LARP1: variants seen among roughly 807,000 people sequenced by gnomAD.
The protein encoded by LARP1 is la-related protein 1.
In LARP1, 36 loss-of-function variants were observed where a neutral mutation model predicts 122.7. The observed-to-expected ratio is 0.29, with a 90% CI of 0.22 to 0.39. LARP1 has a LOEUF of 0.39. LARP1 is among the 10% of genes least tolerant of loss of function. The probability of loss-of-function intolerance (pLI) is 1.00; values close to 1 mark genes in which losing one functional copy is unlikely to be tolerated. For synonymous variants in LARP1, 539 were observed against 528.7 expected, an observed-to-expected ratio of 1.02 and a Z score of -0.27; for missense variants, 1,040 against 1,403.6, an observed-to-expected ratio of 0.74 and a Z score of 4.14.
At chr5:154,777,038 G>A (rs774790752) in intron 1 of LARP1, among the ~76,000 whole-genome samples, 11 of 152,156 alleles carry the variant, frequency 7.2e-5, no homozygotes, top group Admixed American at 6.6e-4. Flanking sequence ...TTTTGTCATC[G>A]TATGAACCTA....
chr5:154,707,004 T>G (rs1014980746), intron 1 of LARP1, among the ~76,000 whole-genome samples: 8 of 152,366 alleles, frequency 5.3e-5, no homozygotes, highest in African/African-American at 1.7e-4. Flanking sequence ...TCATTTTGGT[T>G]GTTTTCAGTT....
At chr5:154,687,486 A>G (rs1753990382) in intron 1 of LARP1, among the ~76,000 whole-genome samples, 1 of 152,198 alleles carries the variant, frequency 6.6e-6, no homozygotes, top group Admixed American at 6.5e-5. Context: ...GGTTCACACC[A>G]TTCTCCTGCC....
At chr5:154,808,187 C>T (rs1582481998) in intron 15 of LARP1, among the ~76,000 whole-genome samples, 1 of 152,144 alleles carries the variant, frequency 6.6e-6, no homozygotes, top group African/African-American at 2.4e-5. Flanking sequence ...AAAGTAGTAC[C>T]AGTTGAGGTG....
intron 3 of LARP1, among the ~76,000 whole-genome samples, chr5:154,791,131 G>GTTT (rs1370042546): frequency 7.5e-6 from 1 of 134,192 alleles, no homozygotes; most frequent in African/African-American, 2.9e-5. Flanking sequence ...AGTGTTTTTT[G>GTTT]TTGTTTTTTT....
intron 1 of LARP1, among the ~76,000 whole-genome samples, chr5:154,728,347 C>T (rs1045714209): frequency 6.6e-6 from 1 of 152,206 alleles, no homozygotes; most frequent in African/African-American, 2.4e-5. Flanking sequence ...CTTTGCCACT[C>T]TTTCAATCAA....
Position 154,731,023 on chromosome 5 carries a change from C to T in LARP1, c.205+17893C>T, listed in dbSNP as rs527944058. Among the ~76,000 whole-genome samples, 28 of 152,142 alleles carry T rather than the reference C, an allele frequency of 1.8e-4. 1 individual carries two copies. In the South Asian group the frequency reaches 5.8e-3, roughly 32 times the overall value. ...TATTTTTAGTGGAGACGGGGTTTCACCATGTTGGCCAGGCTGGTCTTCAAC... is the reference window on the plus strand; with the variant it reads ...TATTTTTAGTGGAGACGGGGTTTCATCATGTTGGCCAGGCTGGTCTTCAAC... On this transcript the variant is annotated intron_variant, in intron 1 of 18. Transcript: ENST00000336314.
chr5:154,797,995 C>A lies in LARP1; in HGVS notation c.1378-1596C>A, dbSNP rs538893440. On this transcript the variant is annotated intron_variant, in intron 8 of 18. Coordinates refer to ENST00000518297, the MANE Select transcript of LARP1 (RefSeq NM_033551.3). ...CATTGTGCCAAGCTCTACATTCTTA[C>A]AATACCTCCACTACCACTGAAAACA... is the stretch of plus-strand genomic sequence containing the variant. 1.1e-4 allele frequency among the ~76,000 whole-genome samples: 17 copies of A among 152,304 alleles called. No individual in the cohort carries two copies. The South Asian group carries it at 2.5e-3, about 22-fold the overall frequency.
Position 154,791,215 on chromosome 5 carries a change from A to C in LARP1, c.564+505A>C, listed in dbSNP as rs184573730. Among the ~76,000 whole-genome samples the C allele has an allele frequency of 6.3e-5, 9 of 141,900 alleles. No individual in the cohort carries two copies. In the Admixed American group the frequency reaches 6.4e-4, roughly 10 times the overall value. The allele number at this position is 141,900 out of a possible 152,430, so 93.1% of individuals were successfully genotyped here. A position where few individuals can be genotyped will look rare whatever the true frequency, so the allele number is the denominator to read the frequency against. The stretch of plus-strand genomic sequence containing the variant: ...AATGGTGTGATCTCGGCTCACTGCA[A>C]CCTCCGCCTCCCAGGTTCAAGCAAT... On this transcript the variant is annotated intron_variant, in intron 3 of 18. Transcript: ENST00000518297.
In LARP1 at chr5:154,808,441, T is replaced by C. The variant is rs1216627191; in HGVS notation, c.2699-18T>C. 4 of 1,608,876 alleles carry C rather than the reference T, an allele frequency of 2.5e-6. No homozygotes were observed. Among genetic ancestry groups the C allele is most frequent in the Non-Finnish European group, 3.4e-6 (4 of 1,178,024 alleles). ...GCCTGAACCTGAGACATGCCTTTCC[T>C]CCTTTCTTTCCCATCAGAGCGGAAA... On this transcript the variant is annotated intron_variant, in intron 15 of 18. Coordinates refer to ENST00000518297, the MANE Select transcript of LARP1 (RefSeq NM_033551.3).
chr5:154,754,437 T>TA (rs1162947223), upstream of LARP1, among the ~76,000 whole-genome samples: 1 of 152,094 alleles, frequency 6.6e-6, no homozygotes, highest in Non-Finnish European at 1.5e-5. Flanking sequence ...GCAGAGATGG[T>TA]AAGGGGGCAG....
At chr5:154,790,594 T>A (rs1757260791) in intron 2 of LARP1, 51 bp from the exon 3 acceptor site, 1 of 1,595,544 alleles carries the variant, frequency 6.3e-7, no homozygotes, top group African/African-American at 1.3e-5. Flanking sequence ...GGGGGCTGAA[T>A]AGCAAAGACA....
chr5:154,812,511 C>T (rs1287111764), intron 18 of LARP1, among the ~76,000 whole-genome samples: 1 of 75,128 alleles, frequency 1.3e-5, no homozygotes, highest in African/African-American at 5.3e-5. Flanking sequence ...AAAAGCCCCC[C>T]CCCCCCACCC....
intron 1 of LARP1, chr5:154,757,183 C>T (rs1754023519): frequency 1.3e-5 from 2 of 151,376 alleles, no homozygotes; most frequent in African/African-American, 2.4e-5. Flanking sequence ...AACGTGGTGC[C>T]TCCCCGCGCG....
At chr5:154,761,147 T>A (rs974239373) in intron 1 of LARP1, among the ~76,000 whole-genome samples, 5 of 152,192 alleles carry the variant, frequency 3.3e-5, no homozygotes, top group Non-Finnish European at 7.4e-5. Context: ...AGGACACCCT[T>A]TGAAGGGGAG....
chr5:154,732,290 A>G (rs1453687888), intron 1 of LARP1, among the ~76,000 whole-genome samples: 1 of 152,184 alleles, frequency 6.6e-6, no homozygotes, highest in African/African-American at 2.4e-5. Flanking sequence ...TTAAGGAAAA[A>G]GCAAAAATTT....
chr5:154,765,019 C>T (rs967228930), intron 1 of LARP1, among the ~76,000 whole-genome samples: 3 of 152,096 alleles, frequency 2.0e-5, no homozygotes, highest in Non-Finnish European at 4.4e-5. Context: ...TAGATTTTTG[C>T]AGCAGCCTCT....
At chr5:154,704,261 G>T (rs909235327) in intron 1 of LARP1, among the ~76,000 whole-genome samples, 2 of 152,192 alleles carry the variant, frequency 1.3e-5, no homozygotes, top group African/African-American at 4.8e-5. Context: ...TCCTAAGTCC[G>T]TTGACTGTGA....
chr5:154,760,840 G>A (rs573714379), intron 1 of LARP1, among the ~76,000 whole-genome samples: 3 of 152,338 alleles, frequency 2.0e-5, no homozygotes, highest in East Asian at 3.9e-4. Context: ...GTCGTGCATT[G>A]TTGTGGATCT....
At position 154,802,693 on chromosome 5, in the gene LARP1, G is replaced by A. The variant is rs1758446670; in HGVS notation, c.2109+294G>A. 6.6e-6 allele frequency among the ~76,000 whole-genome samples: 1 copy of A among 152,144 alleles called. No individual in the cohort carries two copies. Among genetic ancestry groups the A allele is most frequent in the Non-Finnish European group, 1.5e-5 (1 of 68,026 alleles). On this transcript the variant is annotated intron_variant, in intron 11 of 18. Coordinates refer to ENST00000518297, the MANE Select transcript of LARP1 (RefSeq NM_033551.3). The surrounding 1 kb of genome is among the most constrained non-coding windows in gnomAD (Gnocchi z 5.1). Reference sequence around the variant, plus strand: ...GACACTTTTGTGGGGAACAGAAAAAGGGTTAGATTGTTATTTCTAGTCTTA... The same window carrying A: ...GACACTTTTGTGGGGAACAGAAAAAAGGTTAGATTGTTATTTCTAGTCTTA...
Sources: allele counts gnomAD v4.1 joint callset (sites outside exome capture counted in the v4.1 genomes callset), GRCh38; gene constraint gnomAD v4.1.1; non-coding constraint Gnocchi (gnomAD v3.1); transcripts MANE v1.5; gene names NCBI Gene and HGNC (gene_info 2026-07-23, HGNC 2026-07-21).